Variants in POLQ observed in about 807,000 individuals in gnomAD.
POLQ encodes DNA polymerase theta, also known as epididymis secretory sperm binding protein.
Under a neutral mutation model 259.2 loss-of-function variants are expected in POLQ, and 233 were observed. That is an observed-to-expected ratio of 0.90 (90% CI 0.81 to 1.00). The LOEUF is 1.00. Ranked by LOEUF, POLQ falls within the 50% of genes least tolerant of loss-of-function variation. POLQ has a pLI of 0.00. For missense variants in POLQ, 2,871 were observed against 3,051.6 expected (o/e 0.94, Z 1.39); for synonymous variants, 1,025 against 1,048.8 (o/e 0.98, Z 0.44).
chr3:121,446,020 T>C (rs909378549), intron 26 of POLQ, among the ~76,000 whole-genome samples: 1 of 152,180 alleles, frequency 6.6e-6, no homozygotes, highest in African/African-American at 2.4e-5. Context: ...TTTTTTAAGA[T>C]GGATTGCAGG....
In POLQ at chr3:121,481,664, T is replaced by C; in HGVS notation, c.6119A>G (p.His2040Arg). The C allele has an allele frequency of 6.2e-7, 1 of 1,614,114 alleles. No homozygotes were observed. Among genetic ancestry groups the C allele is most frequent in the Non-Finnish European group, 8.5e-7 (1 of 1,179,980 alleles). Reference protein sequence around the residue: ...QSLGLNAGSEHSGRYRASVES... With the variant: ...QSLGLNAGSERSGRYRASVES... ...CACAGATGCTCTGTATCGCCCAGAA[T>C]GCTCACTGCCAGCATTTAGCCCCAG... is the stretch of plus-strand genomic sequence containing the variant. The change falls in exon 19 of 30, where the codon CAT becomes CGT. Residue 2040 changes from histidine (H) to arginine (R), a missense_variant. By Grantham distance (29) the His-to-Arg change is conservative. Around this residue, in one of 3 missense-constraint regions of POLQ, gnomAD observed 2,080 missense variants for 2,126.0 expected, o/e 0.98. Transcript: ENST00000264233.
At chr3:121,432,470 C>T in intron 29 of POLQ, 53 bp from the exon 30 acceptor site, 2 of 1,568,466 alleles carry the variant, frequency 1.3e-6, no homozygotes, top group South Asian at 1.2e-5. Context: ...GAATGTTTCC[C>T]AAACCATCCC....
At chr3:121,458,052 G>A (rs1465872037) in intron 25 of POLQ, among the ~76,000 whole-genome samples, 4 of 152,252 alleles carry the variant, frequency 2.6e-5, no homozygotes, top group East Asian at 3.9e-4. Flanking sequence ...ATACTACGCA[G>A]CCATAAAAAA....
rs1476372579 is a variant in POLQ at position 121,490,285 on chromosome 3, T to C, written c.2646A>G (p.Glu882=). 3 of 1,614,254 alleles carry C rather than the reference T, an allele frequency of 1.9e-6. No individual in the cohort carries two copies. The Admixed American group carries it at 5.0e-5, about 27-fold the overall frequency. Reference sequence around the variant, plus strand: ...AGTCCTGCTGCAGAATCATTCTGGCTTCTTCCACTATAAGGGCTGCTGCTT... The same window carrying C: ...AGTCCTGCTGCAGAATCATTCTGGCCTCTTCCACTATAAGGGCTGCTGCTT... ...EREAAALIVE[E]ARMILQQDLV... is the part of the protein sequence containing the mutation. Residue 882 remains glutamate, a synonymous_variant, in exon 16 of 30, where the codon GAA becomes GAG. Transcript: ENST00000264233.
intron 9 of POLQ, among the ~76,000 whole-genome samples, chr3:121,517,396 T>C (rs1334353734): frequency 6.6e-6 from 1 of 151,746 alleles, no homozygotes; most frequent in Non-Finnish European, 1.5e-5. Flanking sequence ...ATCATCAAAA[T>C]TTTCAGGGCT....
intron 12 of POLQ, among the ~76,000 whole-genome samples, chr3:121,508,585 T>G (rs1307106230): frequency 2.0e-5 from 3 of 152,230 alleles, no homozygotes; most frequent in Non-Finnish European, 4.4e-5. Context: ...AAGGCCATGA[T>G]AGATGACCGG....
chr3:121,459,271 G>C (rs2047769520), intron 25 of POLQ, among the ~76,000 whole-genome samples: 1 of 150,742 alleles, frequency 6.6e-6, no homozygotes, highest in South Asian at 2.1e-4. Flanking sequence ...CAAACATTTA[G>C]AGACCACCTT....
In POLQ at chr3:121,472,001, T is replaced by G. The variant is rs755308581; in HGVS notation, c.6707A>C (p.His2236Pro). The G allele has an allele frequency of 1.3e-6, 2 of 1,517,050 alleles. No individual in the cohort carries two copies. The highest frequency in any genetic ancestry group is 2.6e-5 in the South Asian group (2 of 76,308). 94.0% of individuals were successfully genotyped at this position (1,517,050 alleles called of 1,614,324 possible). A position where few individuals can be genotyped will look rare whatever the true frequency, so the allele number is the denominator to read the frequency against. Residue 2236 changes from histidine (H) to proline (P), a missense_variant, in exon 22 of 30, where the codon CAC becomes CCC. By Grantham distance (77) the His-to-Pro change is moderately conservative. Around this residue, in one of 3 missense-constraint regions of POLQ, gnomAD observed 2,080 missense variants for 2,126.0 expected, o/e 0.98. Transcript: ENST00000264233. ...MERIYPVSQSHTATGRITFTE... is the reference protein window; with the variant it reads ...MERIYPVSQSPTATGRITFTE... ...AGATTTCTCATCACCTGTAGCAGTG[T>G]GCGACTGTGATACAGGATAGATTCT... is the stretch of plus-strand genomic sequence containing the variant.
Position 121,483,493 on chromosome 3 carries a change from C to A in POLQ, c.5863G>T (p.Glu1955Ter). The A allele has an allele frequency of 1.2e-6, 2 of 1,608,774 alleles. No homozygotes were observed. Among genetic ancestry groups the A allele is most frequent in the Non-Finnish European group, 1.7e-6 (2 of 1,178,098 alleles). ...MWYLQSCLRK[E>*]SDKECSVVIY... Reference sequence around the variant, plus strand: ...ACAACAGAACATTCTTTATCAGATTCCTTTCGCAAGCAAGATTGAAGGTAC... The same window carrying A: ...ACAACAGAACATTCTTTATCAGATTACTTTCGCAAGCAAGATTGAAGGTAC... Residue 1955 changes from glutamate to a stop codon, truncating the protein, a stop_gained, in exon 18 of 30, where the codon GAA becomes TAA. Coordinates refer to ENST00000264233, the MANE Select transcript of POLQ (RefSeq NM_199420.4). LOFTEE classifies it high-confidence loss of function.
chr3:121,512,529 G>A (rs2048263020), intron 9 of POLQ, among the ~76,000 whole-genome samples: 1 of 151,978 alleles, frequency 6.6e-6, no homozygotes, highest in African/African-American at 2.4e-5. Flanking sequence ...CCTTTTTCTT[G>A]TTGCTTCTCC....
rs2048043788 is a variant in POLQ at position 121,489,357 on chromosome 3, T to C, written c.3574A>G (p.Ile1192Val). 1 of 1,613,382 alleles carries C rather than the reference T, an allele frequency of 6.2e-7. No individual in the cohort carries two copies. Among genetic ancestry groups the C allele is most frequent in the Non-Finnish European group, 8.5e-7 (1 of 1,179,778 alleles). ...GATTGCTTTCGCAGGTACTGGTTAA[T>C]TGGATGGATGTCATGGTGTTTCATA... ...VYMKHHDIHP[I>V]NQYLRKQSHE... Residue 1192 changes from isoleucine (I) to valine (V), a missense_variant, in exon 16 of 30, where the codon ATT (isoleucine) becomes GTT (valine). Coordinates refer to ENST00000264233, the MANE Select transcript of POLQ (RefSeq NM_199420.4).
intron 25 of POLQ, among the ~76,000 whole-genome samples, chr3:121,454,264 G>C (rs2047709648): frequency 1.3e-5 from 2 of 152,202 alleles, no homozygotes; most frequent in Non-Finnish European, 2.9e-5. Flanking sequence ...ACCGGTATCA[G>C]CCACTGCAAA....
In POLQ at chr3:121,489,626, G is replaced by T. The variant is rs759797194; in HGVS notation, c.3305C>A (p.Ser1102Tyr). 52 of 1,613,770 alleles carry T rather than the reference G, an allele frequency of 3.2e-5. No individual in the cohort carries two copies. Among genetic ancestry groups the T allele is most frequent in the Non-Finnish European group, 4.4e-5 (52 of 1,179,924 alleles). ...ATTATCTTTTTCCTTACCACTCAAA[G>T]ATACATTTTTAGCAAATGGCCCTGA... The part of the protein sequence containing the change: ...RNSGPFAKNV[S>Y]LSGKEKDNKT... The change falls in exon 16 of 30, where the codon TCT becomes TAT. Residue 1102 changes from serine to tyrosine, a missense_variant. Around this residue, in one of 3 missense-constraint regions of POLQ, gnomAD observed 2,080 missense variants for 2,126.0 expected, o/e 0.98. Coordinates refer to ENST00000264233, the MANE Select transcript of POLQ (RefSeq NM_199420.4).
intron 2 of POLQ, among the ~76,000 whole-genome samples, chr3:121,543,962 G>A (rs546401827): frequency 2.8e-4 from 42 of 149,470 alleles, no homozygotes; most frequent in Admixed American, 1.3e-3. Flanking sequence ...CAGTCTGGGC[G>A]ACAGAGCAAG....
chr3:121,501,990 C>CA (rs554794926), intron 12 of POLQ, among the ~76,000 whole-genome samples: 1,690 of 59,906 alleles, frequency 0.028, 25 homozygotes, highest in African/African-American at 0.071. Context: ...ACTCTGTCTC[C>CA]AAAAAAAAAA....
chr3:121,439,666 A>C (rs1306589948), intron 27 of POLQ, among the ~76,000 whole-genome samples: 1 of 152,028 alleles, frequency 6.6e-6, no homozygotes, highest in Non-Finnish European at 1.5e-5. Flanking sequence ...TAGGAAACAA[A>C]GAATAATTAG....
chr3:121,521,019 C>T (rs1467827814), intron 8 of POLQ, among the ~76,000 whole-genome samples: 1 of 152,102 alleles, frequency 6.6e-6, no homozygotes, highest in Non-Finnish European at 1.5e-5. Flanking sequence ...GATGGGTACA[C>T]AGGTGTTCAC....
At chr3:121,524,814 T>C (rs2048360969) in intron 7 of POLQ, among the ~76,000 whole-genome samples, 1 of 152,176 alleles carries the variant, frequency 6.6e-6, no homozygotes, top group Admixed American at 6.6e-5. Flanking sequence ...AACAGATGTA[T>C]GCATCTGTTA....
Position 121,488,301 on chromosome 3 carries a change from T to C in POLQ, c.4630A>G (p.Thr1544Ala), listed in dbSNP as rs1443371268. Reference protein sequence around the residue: ...KKSNVNENQDTHQQLTCSNDE... With the variant: ...KKSNVNENQDAHQQLTCSNDE... Reference sequence around the variant, plus strand: ...TTGGAACAAGTCAACTGCTGGTGGGTATCTTGATTCTCATTTACATTTGAT... The same window carrying C: ...TTGGAACAAGTCAACTGCTGGTGGGCATCTTGATTCTCATTTACATTTGAT... Residue 1544 changes from threonine (T) to alanine (A), a missense_variant, in exon 16 of 30, where the codon ACC becomes GCC. This residue lies in a region of POLQ where 2,080 missense variants were observed against 2,126.0 expected (regional missense o/e 0.98). Transcript: ENST00000264233. 2.5e-6 allele frequency: 4 copies of C among 1,612,224 alleles called. No individual in the cohort carries two copies. The highest frequency in any genetic ancestry group is 2.7e-5 in the African/African-American group (2 of 74,820).
Sources: allele counts gnomAD v4.1 joint callset (sites outside exome capture counted in the v4.1 genomes callset), GRCh38; gene constraint gnomAD v4.1.1; regional missense constraint gnomAD v4.1.1; transcripts MANE v1.5; gene names NCBI Gene and HGNC (gene_info 2026-07-23, HGNC 2026-07-21).